ABLIM2: variants seen among roughly 807,000 people sequenced by gnomAD.
ABLIM2 encodes actin-binding LIM protein 2.
ABLIM2 carries 53 observed loss-of-function variants against 97.7 expected under a neutral mutation model. The ratio of observed to expected loss-of-function variants is 0.54; its 90% CI spans 0.44 to 0.68. The LOEUF (loss-of-function observed/expected upper bound fraction) is 0.68, where lower values mean the gene tolerates loss of function less well. Among genes scored for constraint, ABLIM2 ranks in the 30% least tolerant of loss-of-function variants. ABLIM2 has a pLI of 0.00. For missense variants in ABLIM2, 835 were observed against 867.2 expected, an observed-to-expected ratio of 0.96 and a Z score of 0.47; for synonymous variants, 361 against 345.8, an observed-to-expected ratio of 1.04 and a Z score of -0.49.
Position 8,158,742 on chromosome 4 carries a change from C to G in ABLIM2, c.-53G>C, listed in dbSNP as rs1453597934. 1.5e-6 allele frequency: 2 copies of G among 1,373,376 alleles called. No homozygotes were observed. The highest frequency in any genetic ancestry group is 3.3e-5 in the South Asian group (2 of 60,120). 85.1% of individuals were successfully genotyped at this position (1,373,376 alleles called of 1,614,324 possible). A position where few individuals can be genotyped will look rare whatever the true frequency, so the allele number is the denominator to read the frequency against. On this transcript the variant is annotated 5_prime_UTR_variant, in exon 1 of 21. Coordinates refer to ENST00000447017, the MANE Select transcript of ABLIM2 (RefSeq NM_001130083.2). ...CCCGGCGCTGCGACAGCCAGACCCT[C>G]GGGCCCGCAGGTGCCGCGCCCGCGC... is the stretch of plus-strand genomic sequence containing the variant.
Position 8,149,979 on chromosome 4 carries a change from C to G in ABLIM2, c.10+8701G>C, listed in dbSNP as rs771703062. Among the ~76,000 whole-genome samples the G allele has an allele frequency of 1.3e-5, 2 of 152,030 alleles. No homozygotes were observed. The highest frequency in any genetic ancestry group is 1.3e-4 in the Admixed American group (2 of 15,276). ...TGGCTTCCCCTCCCTTCCCCCCTTACCCTCCTCACACCTCCCTCGTGCTTC... is the reference window on the plus strand; with the variant it reads ...TGGCTTCCCCTCCCTTCCCCCCTTAGCCTCCTCACACCTCCCTCGTGCTTC... On this transcript the variant is annotated intron_variant, in intron 1 of 20. Coordinates refer to ENST00000447017, the MANE Select transcript of ABLIM2 (RefSeq NM_001130083.2). The surrounding 1 kb of genome is among the most constrained non-coding windows in gnomAD (Gnocchi z 6.4).
intron 8 of ABLIM2, among the ~76,000 whole-genome samples, chr4:8,049,751 C>G (rs1456138908): frequency 6.6e-6 from 1 of 152,064 alleles, no homozygotes; most frequent in Non-Finnish European, 1.5e-5. Flanking sequence ...TTTTTTGAGA[C>G]AGGGTCTCAC....
intron 3 of ABLIM2, among the ~76,000 whole-genome samples, chr4:8,091,091 G>A (rs1386726157): frequency 6.7e-6 from 1 of 150,312 alleles, no homozygotes; most frequent in South Asian, 2.1e-4. Flanking sequence ...CATTCACAAC[G>A]GCACTGGAGG....
chr4:8,039,845 C>G (rs1489937933), intron 9 of ABLIM2, among the ~76,000 whole-genome samples: 3 of 139,642 alleles, frequency 2.1e-5, no homozygotes, highest in Non-Finnish European at 4.6e-5. Context: ...GATGTAAATG[C>G]TTTAATTTCC....
Position 8,020,246 on chromosome 4 carries a change from G to A in ABLIM2, c.1325C>T (p.Pro442Leu), listed in dbSNP as rs1772578019. 5.0e-6 allele frequency: 8 copies of A among 1,613,826 alleles called. No homozygotes were observed. In the South Asian group the frequency reaches 6.6e-5, roughly 13 times the overall value. ...SLSVLSDSKP[P>L]PSTYQQAPRH... ...AGGTGCCTGCTGGTAGGTGGAGGGG[G>A]GCGGCTTGCTGTCAGAGAGCACGGA... Residue 442 changes from proline (P) to leucine (L), a missense_variant, in exon 13 of 21, where the codon CCC becomes CTC. Physicochemically the swap from Pro to Leu is moderately conservative, Grantham distance 98. Transcript: ENST00000447017.
Position 8,002,070 on chromosome 4 carries a change from CAA to C in ABLIM2, c.1618+5987_1618+5988del, listed in dbSNP as rs1757603344. ...CTCAGACCCTCTTGAGAAAGGAACA[CAA>C]ACTCAGGACACAGCCACGTACTCAC... On this transcript the variant is annotated intron_variant, in intron 16 of 20. Transcript: ENST00000447017. The surrounding 1 kb of genome is among the most constrained non-coding windows in gnomAD (Gnocchi z 6.1). Among the ~76,000 whole-genome samples, 1 of 152,190 alleles carries C rather than the reference CAA, an allele frequency of 6.6e-6. No individual in the cohort carries two copies. The highest frequency in any genetic ancestry group is 6.5e-5 in the Admixed American group (1 of 15,288).
At position 8,044,686 on chromosome 4, in the gene ABLIM2, TCTCTCGAACG is replaced by T. The variant is rs1169805133; in HGVS notation, c.900+468_900+477del. On this transcript the variant is annotated intron_variant, in intron 9 of 20. Transcript: ENST00000447017. This position sits in a 1 kb window ranked among gnomAD's most constrained non-coding sequence, Gnocchi z 4.4. ...CACACAGAGTCTCTCTCTCTCTCTCTCTCTCGAACGAACGAAAACGGGATCACATAATTTA... is the reference window on the plus strand; with the variant it reads ...CACACAGAGTCTCTCTCTCTCTCTCTAACGAAAACGGGATCACATAATTTA... Among the ~76,000 whole-genome samples, 1 of 151,014 alleles carries T rather than the reference TCTCTCGAACG, an allele frequency of 6.6e-6. No individual in the cohort carries two copies. Among genetic ancestry groups the T allele is most frequent in the African/African-American group, 2.5e-5 (1 of 40,774 alleles).
chr4:7,997,560 A>T (rs2150099997), intron 16 of ABLIM2, among the ~76,000 whole-genome samples: 1 of 152,016 alleles, frequency 6.6e-6, no homozygotes, highest in East Asian at 1.9e-4. Context: ...TCAAATTTTT[A>T]ATTTTGGTTA....
chr4:8,092,445 C>T (rs1829326314), intron 3 of ABLIM2, among the ~76,000 whole-genome samples: 1 of 152,106 alleles, frequency 6.6e-6, no homozygotes, highest in Non-Finnish European at 1.5e-5. Context: ...TTTCACAACC[C>T]CATGTCACAT....
intron 8 of ABLIM2, among the ~76,000 whole-genome samples, chr4:8,053,881 G>A (rs975525517): frequency 7.9e-5 from 12 of 152,096 alleles, no homozygotes; most frequent in South Asian, 2.1e-4. Context: ...ATCAGATGCC[G>A]CACCCTGCTC....
intron 14 of ABLIM2, among the ~76,000 whole-genome samples, chr4:8,016,233 G>A (rs993028191): frequency 1.1e-4 from 16 of 151,922 alleles, no homozygotes; most frequent in Admixed American, 6.6e-4. Context: ...TAGTAGAGAT[G>A]GGGTTTTGCC....
At chr4:8,119,324 C>CT (rs71175466) in intron 1 of ABLIM2, among the ~76,000 whole-genome samples, 36,198 of 108,122 alleles carry the variant, frequency 0.33, 7,213 homozygotes, top group East Asian at 0.41. Flanking sequence ...GGGCTTCCTT[C>CT]TTTTTTTTTT....
chr4:8,091,529 TATAAA>T (rs1209818559), intron 3 of ABLIM2, among the ~76,000 whole-genome samples: 2 of 31,716 alleles, frequency 6.3e-5, no homozygotes, highest in Non-Finnish European at 9.9e-5. Flanking sequence ...ATATATTATA[TATAAA>T]ATTATATATA....
rs144347643 is a variant in ABLIM2, at chr4:7,976,012, A to G, written c.1824+7252T>C. ...CCATGCCCTCACCTTTCCCACCAGC[A>G]GTCATCTTTCCCACGCCTTAGACCA... On this transcript the variant is annotated intron_variant, in intron 20 of 20. Coordinates refer to ENST00000447017, the MANE Select transcript of ABLIM2 (RefSeq NM_001130083.2). 1.5e-3 allele frequency among the ~76,000 whole-genome samples: 228 copies of G among 152,264 alleles called. 1 individual carries two copies. Among genetic ancestry groups the G allele is most frequent in the African/African-American group, 5.2e-3 (216 of 41,564 alleles).
chr4:8,126,497 G>A (rs11721956), intron 1 of ABLIM2, among the ~76,000 whole-genome samples: 29,619 of 143,884 alleles, frequency 0.21, 2,984 homozygotes, highest in African/African-American at 0.26. Flanking sequence ...TAGCCCCCCA[G>A]ATTTTGCCAT....
chr4:8,032,426 C>T lies in ABLIM2; in HGVS notation c.1048-2650G>A, dbSNP rs147732605. Among the ~76,000 whole-genome samples, 15 of 152,256 alleles carry T rather than the reference C, an allele frequency of 9.9e-5. No homozygotes were observed. The East Asian group carries it at 2.7e-3, about 28-fold the overall frequency. Reference sequence around the variant, plus strand: ...GACCCGCGTCCCAGGCGGCCACATCCGCAGGGCTGGCAGACATATCGGGGA... The same window carrying T: ...GACCCGCGTCCCAGGCGGCCACATCTGCAGGGCTGGCAGACATATCGGGGA... On this transcript the variant is annotated intron_variant, in intron 10 of 20. Transcript: ENST00000447017. This position sits in a 1 kb window ranked among gnomAD's most constrained non-coding sequence, Gnocchi z 4.3.
In ABLIM2 at chr4:8,140,817, G is replaced by C. The variant is rs1850863368; in HGVS notation, c.10+17863C>G. 6.6e-6 allele frequency among the ~76,000 whole-genome samples: 1 copy of C among 152,182 alleles called. No homozygotes were observed. The stretch of plus-strand genomic sequence containing the variant: ...TGCATTTACCCCAGCTCCTGAGTCA[G>C]GGTGGGGTTCAGGGCAGGGAGGTGG... On this transcript the variant is annotated intron_variant, in intron 1 of 20. Coordinates refer to ENST00000447017, the MANE Select transcript of ABLIM2 (RefSeq NM_001130083.2). The surrounding 1 kb of genome is among the most constrained non-coding windows in gnomAD (Gnocchi z 5.9).
At chr4:7,990,020 T>A (rs1025279112) in intron 17 of ABLIM2, among the ~76,000 whole-genome samples, 1 of 152,116 alleles carries the variant, frequency 6.6e-6, no homozygotes, top group Admixed American at 6.6e-5. Context: ...ATATTGTGCT[T>A]TAGGTCACTG....
intron 10 of ABLIM2, 122 bp downstream of exon 10, chr4:8,036,027 G>T: frequency 1.7e-6 from 2 of 1,208,778 alleles, no homozygotes; most frequent in Non-Finnish European, 2.3e-6. Flanking sequence ...CTGAGCGTGT[G>T]GGTGAGTGGT....
Sources: gnomAD v4.1 joint callset for allele counts (sites outside exome capture counted in the v4.1 genomes callset) on GRCh38, gnomAD v4.1.1 for gene constraint, Gnocchi (gnomAD v3.1) non-coding constraint, MANE v1.5 for transcripts, NCBI Gene and HGNC (gene_info 2026-07-23, HGNC 2026-07-21) for gene names.